BLVRB: variants seen among roughly 807,000 people sequenced by gnomAD.
The protein encoded by BLVRB is flavin reductase (NADPH).
Under a neutral mutation model 21.1 loss-of-function variants are expected in BLVRB, and 25 were observed. That is an observed-to-expected ratio of 1.19 (90% CI 0.86 to 1.66). The LOEUF (loss-of-function observed/expected upper bound fraction) is 1.66. Ranked by LOEUF, BLVRB falls within the 40% of genes most tolerant of loss-of-function variation. BLVRB has a pLI of 0.00. For synonymous variants in BLVRB, 128 were observed against 122.2 expected, an observed-to-expected ratio of 1.05 and a Z score of -0.31; for missense variants, 274 against 282.7, an observed-to-expected ratio of 0.97 and a Z score of 0.22.
rs1430202030 is a variant in BLVRB, at chr19:40,448,033, T to A, written c.477A>T (p.Leu159=). The part of the protein sequence containing the change: ...VMPPHIGDQP[L]TGAYTVTLDG... ...CCAGGGTCACTGTGTACGCCCCAGT[T>A]AGTGGCTGGTCTCCTATGAAGTAAA... The change falls in exon 5 of 5, where the codon CTA becomes CTT. Residue 159 remains leucine, a synonymous_variant. Coordinates refer to ENST00000263368, the MANE Select transcript of BLVRB (RefSeq NM_000713.3). 6.2e-7 allele frequency: 1 copy of A among 1,613,126 alleles called. No individual in the cohort carries two copies. The highest frequency in any genetic ancestry group is 1.3e-5 in the African/African-American group (1 of 75,002).
At chr19:40,452,924 C>T (rs987800037) in intron 3 of BLVRB, among the ~76,000 whole-genome samples, 4 of 149,888 alleles carry the variant, frequency 2.7e-5, no homozygotes, top group African/African-American at 7.4e-5. Flanking sequence ...AGCCAGGTGT[C>T]GTGGTGCATG....
intron 1 of BLVRB, among the ~76,000 whole-genome samples, chr19:40,464,670 C>T (rs1203181087): frequency 1.3e-5 from 2 of 152,230 alleles, no homozygotes; most frequent in African/African-American, 2.4e-5. Context: ...GCTCCCCATT[C>T]TCCACAAGTC....
At chr19:40,465,063 A>AC (rs2079804976) in intron 1 of BLVRB, among the ~76,000 whole-genome samples, 4 of 151,850 alleles carry the variant, frequency 2.6e-5, no homozygotes, top group Middle Eastern at 3.4e-3. Flanking sequence ...CAGCAACCTG[A>AC]CCCCCCAACT....
At chr19:40,460,300 G>T (rs556087437) in intron 1 of BLVRB, among the ~76,000 whole-genome samples, 59 of 129,972 alleles carry the variant, frequency 4.5e-4, no homozygotes, top group African/African-American at 1.8e-3. Context: ...TTGCTCTGTT[G>T]CCCAGGCTGG....
chr19:40,463,903 G>A (rs1398923413), intron 1 of BLVRB, among the ~76,000 whole-genome samples: 3 of 151,640 alleles, frequency 2.0e-5, no homozygotes, highest in Admixed American at 1.3e-4. Context: ...AAGTAACTGC[G>A]ATTACAGGCA....
chr19:40,451,334 T>C (rs1247371872), intron 4 of BLVRB, 30 bp downstream of exon 4: 4 of 1,585,996 alleles, frequency 2.5e-6, no homozygotes, highest in Admixed American at 1.8e-5. Flanking sequence ...GCAGATGGCA[T>C]TGGTGCCACC....
intron 1 of BLVRB, among the ~76,000 whole-genome samples, chr19:40,460,947 G>A (rs1272259058): frequency 6.6e-6 from 1 of 151,970 alleles, no homozygotes; most frequent in East Asian, 1.9e-4. Flanking sequence ...ACGCCAGCCT[G>A]GGCAACAAGA....
intron 1 of BLVRB, 49 bp downstream of exon 1, chr19:40,465,561 A>T (rs763813647): frequency 6.4e-7 from 1 of 1,572,590 alleles, no homozygotes; most frequent in African/African-American, 1.4e-5. Context: ...CCCTTCCTAA[A>T]GTTCTGCCCG....
intron 3 of BLVRB, among the ~76,000 whole-genome samples, chr19:40,454,647 G>A (rs1432392229): frequency 6.6e-6 from 1 of 151,426 alleles, no homozygotes; most frequent in Non-Finnish European, 1.5e-5. Flanking sequence ...CCGGGTTTAC[G>A]CCATTCTCCT....
chr19:40,463,877 C>G (rs566970919), intron 1 of BLVRB, among the ~76,000 whole-genome samples: 8 of 151,696 alleles, frequency 5.3e-5, no homozygotes, highest in Non-Finnish European at 1.2e-4. Context: ...AAGCTATTCT[C>G]CTGCCTCAGT....
chr19:40,451,882 A>G (rs1304556529), intron 3 of BLVRB, among the ~76,000 whole-genome samples: 1 of 151,894 alleles, frequency 6.6e-6, no homozygotes, highest in Non-Finnish European at 1.5e-5. Context: ...ATGGCTGACC[A>G]TTGCTTTCCA....
intron 3 of BLVRB, among the ~76,000 whole-genome samples, chr19:40,454,076 T>C (rs1237057466): frequency 6.6e-6 from 1 of 152,158 alleles, no homozygotes; most frequent in Admixed American, 6.6e-5. Flanking sequence ...AGCCAGACTC[T>C]GTCGCAACAA....
At chr19:40,449,759 A>G (rs2079730641) in intron 4 of BLVRB, among the ~76,000 whole-genome samples, 1 of 152,240 alleles carries the variant, frequency 6.6e-6, no homozygotes, top group African/African-American at 2.4e-5. Flanking sequence ...CAATATATTC[A>G]GCAAAATCTA....
At chr19:40,459,361 A>AAAAAAAAAAAC (rs2079776841) in intron 1 of BLVRB, among the ~76,000 whole-genome samples, 1 of 140,784 alleles carries the variant, frequency 7.1e-6, no homozygotes, top group African/African-American at 2.8e-5. Context: ...AAAAAAAAAA[A>AAAAAAAAAAAC]AAGACCATAC....
intron 1 of BLVRB, among the ~76,000 whole-genome samples, chr19:40,458,821 G>A (rs1416751093): frequency 6.6e-6 from 1 of 152,042 alleles, no homozygotes; most frequent in East Asian, 2.0e-4. Context: ...AGCACCCCAA[G>A]TAGCTGGGAC....
chr19:40,460,611 ATAAATTAAAT>A (rs142941792), intron 1 of BLVRB, among the ~76,000 whole-genome samples: 88 of 149,588 alleles, frequency 5.9e-4, no homozygotes, highest in African/African-American at 1.4e-3. Flanking sequence ...AAATAAATAA[ATAAATTAAAT>A]TAAATTAAAT....
intron 1 of BLVRB, among the ~76,000 whole-genome samples, chr19:40,459,856 C>T (rs567111325): frequency 6.6e-6 from 1 of 152,316 alleles, no homozygotes; most frequent in African/African-American, 2.4e-5. Context: ...CAGGCGTAAG[C>T]CACTGTACCC....
At chr19:40,462,655 G>T (rs1169332280) in intron 1 of BLVRB, among the ~76,000 whole-genome samples, 1 of 148,570 alleles carries the variant, frequency 6.7e-6, no homozygotes, top group Non-Finnish European at 1.5e-5. Flanking sequence ...ACTTTGGGAG[G>T]CTGAGGCGGG....
intron 3 of BLVRB, chr19:40,457,814 T>C (rs2079768162): frequency 3.1e-6 from 1 of 322,238 alleles, no homozygotes; most frequent in South Asian, 8.0e-5. Context: ...TCTCTCAGCC[T>C]AAGTCGGACG....
Sources: allele counts gnomAD v4.1 joint callset (sites outside exome capture counted in the v4.1 genomes callset), GRCh38; gene constraint gnomAD v4.1.1; transcripts MANE v1.5; gene names NCBI Gene and HGNC (gene_info 2026-07-23, HGNC 2026-07-21).